Variants in SEMA5A observed in about 807,000 individuals in gnomAD.
SEMA5A encodes semaphorin 5A, also known as semaphorin-5A.
Under a neutral mutation model 135.5 loss-of-function variants are expected in SEMA5A, and 55 were observed. The ratio of observed to expected loss-of-function variants is 0.41; its 90% CI spans 0.33 to 0.51. The LOEUF is 0.51. Ranked by LOEUF, SEMA5A falls within the 20% of genes least tolerant of loss-of-function variation. The pLI is 0.37. For synonymous variants in SEMA5A, 580 were observed against 546.5 expected (o/e 1.06, Z -0.85); for missense variants, 1,290 against 1,419.9 (o/e 0.91, Z 1.47).
At chr5:9,304,488 T>C (rs922482978) in intron 5 of SEMA5A, among the ~76,000 whole-genome samples, 11 of 142,542 alleles carry the variant, frequency 7.7e-5, no homozygotes, top group Non-Finnish European at 1.7e-4. Flanking sequence ...AAACATACAC[T>C]CAATTCATAA....
intron 5 of SEMA5A, among the ~76,000 whole-genome samples, chr5:9,298,942 C>G (rs1751470090): frequency 6.6e-6 from 1 of 152,198 alleles, no homozygotes; most frequent in Non-Finnish European, 1.5e-5. Flanking sequence ...GAGAAGTAAT[C>G]AGTCTAGATG....
chr5:9,146,819 A>T (rs1035708586), intron 12 of SEMA5A, among the ~76,000 whole-genome samples: 4 of 152,228 alleles, frequency 2.6e-5, no homozygotes, highest in African/African-American at 9.6e-5. Context: ...ATTACAAAAA[A>T]TCCACATTCT....
chr5:9,086,643 C>T (rs1176029364), intron 16 of SEMA5A, among the ~76,000 whole-genome samples: 1 of 152,146 alleles, frequency 6.6e-6, no homozygotes, highest in African/African-American at 2.4e-5. Flanking sequence ...TGAAAACGGA[C>T]TAATATACCT....
At chr5:9,169,600 C>A (rs752556406) in intron 11 of SEMA5A, among the ~76,000 whole-genome samples, 1 of 152,202 alleles carries the variant, frequency 6.6e-6, no homozygotes, top group Non-Finnish European at 1.5e-5. Flanking sequence ...ATTCTTCTAT[C>A]ATTTTCCATC....
At chr5:9,202,987 G>T (rs1745804788) in intron 8 of SEMA5A, among the ~76,000 whole-genome samples, 1 of 152,128 alleles carries the variant, frequency 6.6e-6, no homozygotes, top group African/African-American at 2.4e-5. Context: ...CAAAGAAATG[G>T]CAAAATTATG....
chr5:9,342,098 A>C (rs1412152580), intron 3 of SEMA5A, among the ~76,000 whole-genome samples: 3 of 152,194 alleles, frequency 2.0e-5, no homozygotes, highest in African/African-American at 7.2e-5. Flanking sequence ...AAAGAAAAAA[A>C]AATCAAAGAA....
rs553470943 is a variant in SEMA5A at position 9,535,697 on chromosome 5, G to T, written c.-175+9887C>A. On this transcript the variant is annotated intron_variant, in intron 1 of 22. Transcript: ENST00000382496. ...TTTGAGGAGTAAGGAGGCGAAGGAA[G>T]TGAGAGTGATTCAAAGATGGAAAAG... 1.3e-3 allele frequency among the ~76,000 whole-genome samples: 200 copies of T among 152,252 alleles called. 3 individuals carry two copies. Among genetic ancestry groups the T allele is most frequent in the Admixed American group, 0.013 (199 of 15,284 alleles).
intron 5 of SEMA5A, among the ~76,000 whole-genome samples, chr5:9,293,170 A>T (rs1181318369): frequency 6.6e-6 from 1 of 151,658 alleles, no homozygotes; most frequent in Non-Finnish European, 1.5e-5. Flanking sequence ...CTGGAACGTG[A>T]GCTGCTAGAG....
intron 8 of SEMA5A, among the ~76,000 whole-genome samples, chr5:9,210,557 G>A (rs1017883084): frequency 2.0e-5 from 3 of 152,172 alleles, no homozygotes; most frequent in African/African-American, 7.2e-5. Context: ...GTGGGCATCG[G>A]GAGAGAGAGA....
chr5:9,076,992 G>T (rs1738102280), intron 16 of SEMA5A, among the ~76,000 whole-genome samples: 1 of 151,718 alleles, frequency 6.6e-6, no homozygotes, highest in African/African-American at 2.4e-5. Context: ...TTTTCATGCT[G>T]GCACAGGCCT....
At chr5:9,084,147 C>G (rs187321041) in intron 16 of SEMA5A, among the ~76,000 whole-genome samples, 5 of 152,218 alleles carry the variant, frequency 3.3e-5, no homozygotes, top group African/African-American at 1.2e-4. Flanking sequence ...TAGTTGGATG[C>G]AAATGTTATT....
intron 8 of SEMA5A, among the ~76,000 whole-genome samples, chr5:9,217,876 C>A (rs1746721199): frequency 6.6e-6 from 1 of 152,162 alleles, no homozygotes; most frequent in African/African-American, 2.4e-5. Context: ...CTATTCCTTC[C>A]TTCAGCTTCT....
intron 12 of SEMA5A, among the ~76,000 whole-genome samples, chr5:9,137,419 A>G (rs1399672284): frequency 6.6e-6 from 1 of 152,204 alleles, no homozygotes; most frequent in Non-Finnish European, 1.5e-5. Flanking sequence ...GCATTATTAG[A>G]TGAGGGCTGT....
chr5:9,510,942 G>C (rs970897815), intron 1 of SEMA5A, among the ~76,000 whole-genome samples: 1 of 152,176 alleles, frequency 6.6e-6, no homozygotes, highest in East Asian at 1.9e-4. Context: ...CATTCGGCCT[G>C]CCATGCCCAT....
intron 2 of SEMA5A, among the ~76,000 whole-genome samples, chr5:9,409,635 A>G (rs539163815): frequency 2.6e-5 from 4 of 152,206 alleles, no homozygotes; most frequent in African/African-American, 9.6e-5. Flanking sequence ...GCTGACCTTC[A>G]GACCATCTTA....
intron 11 of SEMA5A, among the ~76,000 whole-genome samples, chr5:9,166,827 C>T (rs758185988): frequency 5.3e-5 from 8 of 152,200 alleles, no homozygotes; most frequent in African/African-American, 1.2e-4. Context: ...AAATATAACT[C>T]CAATCATTCT....
intron 5 of SEMA5A, among the ~76,000 whole-genome samples, chr5:9,259,050 G>T (rs945428572): frequency 3.9e-5 from 6 of 152,054 alleles, no homozygotes; most frequent in African/African-American, 7.2e-5. Flanking sequence ...TGGAACTCCT[G>T]ACCTCGGGTG....
intron 16 of SEMA5A, among the ~76,000 whole-genome samples, chr5:9,099,685 G>T (rs1368309001): frequency 6.6e-6 from 1 of 152,194 alleles, no homozygotes; most frequent in East Asian, 1.9e-4. Flanking sequence ...CCACAAAGGG[G>T]AGGGGAAATA....
chr5:9,196,356 T>G (rs1211265563), intron 10 of SEMA5A, among the ~76,000 whole-genome samples: 2 of 152,074 alleles, frequency 1.3e-5, no homozygotes, highest in Non-Finnish European at 2.9e-5. Flanking sequence ...CAAAGGTGTC[T>G]CTCCACCATG....
Sources: gnomAD v4.1 joint callset for allele counts (sites outside exome capture counted in the v4.1 genomes callset) on GRCh38, gnomAD v4.1.1 for gene constraint, MANE v1.5 for transcripts, NCBI Gene and HGNC (gene_info 2026-07-23, HGNC 2026-07-21) for gene names.